GNG12: variants seen among roughly 807,000 people sequenced by gnomAD.
GNG12 encodes the protein G protein subunit gamma 12.
For synonymous variants in GNG12, 28 were observed against 29.7 expected, an observed-to-expected ratio of 0.94 and a Z score of 0.19; for missense variants, 69 against 83.8, an observed-to-expected ratio of 0.82 and a Z score of 0.69.
chr1:67,791,037 TA>T (rs1034763591), intron 1 of GNG12, among the ~76,000 whole-genome samples: 12 of 152,218 alleles, frequency 7.9e-5, no homozygotes, highest in African/African-American at 1.2e-4. Context: ...TCTAATTTTC[TA>T]AAACTGAAAT....
At chr1:67,830,821 A>G (rs1159635315) in intron 1 of GNG12, among the ~76,000 whole-genome samples, 1 of 152,172 alleles carries the variant, frequency 6.6e-6, no homozygotes, top group Non-Finnish European at 1.5e-5. Context: ...AAATTGCTCT[A>G]TCTAGCATTT....
At chr1:67,829,917 A>C (rs557446160) in intron 1 of GNG12, among the ~76,000 whole-genome samples, 21 of 152,154 alleles carry the variant, frequency 1.4e-4, no homozygotes, top group African/African-American at 3.4e-4. Context: ...ATGAGCTAAG[A>C]TCCTGGTTCA....
At chr1:67,745,997 T>C (rs1646505367) in intron 2 of GNG12, among the ~76,000 whole-genome samples, 1 of 152,174 alleles carries the variant, frequency 6.6e-6, no homozygotes, top group African/African-American at 2.4e-5. Context: ...TGAAGTTACA[T>C]GAGAAGCAAA....
intron 2 of GNG12, among the ~76,000 whole-genome samples, chr1:67,728,488 T>C (rs1473464083): frequency 6.6e-6 from 1 of 152,136 alleles, no homozygotes; most frequent in Admixed American, 6.5e-5. Context: ...CCTTGCTTGC[T>C]CTTCAGAACT....
At chr1:67,717,521 A>G (rs1646333077) in intron 2 of GNG12, among the ~76,000 whole-genome samples, 1 of 152,094 alleles carries the variant, frequency 6.6e-6, no homozygotes, top group Non-Finnish European at 1.5e-5. Flanking sequence ...GTCAAAAAAA[A>G]AAAAAAAGGA....
intron 1 of GNG12, among the ~76,000 whole-genome samples, chr1:67,827,529 C>T (rs1647018082): frequency 6.6e-6 from 1 of 152,006 alleles, no homozygotes; most frequent in Admixed American, 6.5e-5. Context: ...AGGTTCACGC[C>T]ATTTTCCTGC....
chr1:67,733,221 T>C (rs1646431098), intron 2 of GNG12, among the ~76,000 whole-genome samples: 2 of 152,188 alleles, frequency 1.3e-5, no homozygotes, highest in Non-Finnish European at 2.9e-5. Context: ...TCTAGCCCTA[T>C]TTTTGGAGCT....
intron 2 of GNG12, among the ~76,000 whole-genome samples, chr1:67,748,072 T>A (rs764594806): frequency 1.3e-5 from 2 of 152,114 alleles, no homozygotes; most frequent in Non-Finnish European, 2.9e-5. Context: ...TTACAGAACA[T>A]TCTATATCAG....
chr1:67,766,606 T>C (rs1047283232), intron 2 of GNG12, among the ~76,000 whole-genome samples: 2 of 109,212 alleles, frequency 1.8e-5, no homozygotes, highest in African/African-American at 8.9e-5. Context: ...TATGTTGGTG[T>C]TTTTTTTTTT....
At position 67,702,678 on chromosome 1, in the gene GNG12, A is replaced by T. The variant is rs1646222648; in HGVS notation, c.*2773T>A. 6.6e-6 allele frequency: 1 copy of T among 152,196 alleles called. No individual in the cohort carries two copies. Among genetic ancestry groups the T allele is most frequent in the African/African-American group, 2.4e-5 (1 of 41,468 alleles). 9.4% of individuals were successfully genotyped at this position (152,196 alleles called of 1,614,324 possible). On this transcript the variant is annotated 3_prime_UTR_variant, in exon 4 of 4. Transcript: ENST00000370982. ...GTATATAAAATATTTCCCTTATTTA[A>T]AAAATGTTTCTGTAAAATACTTCGG...
At chr1:67,817,639 T>C (rs1174775429) in intron 1 of GNG12, among the ~76,000 whole-genome samples, 1 of 152,166 alleles carries the variant, frequency 6.6e-6, no homozygotes, top group Non-Finnish European at 1.5e-5. Flanking sequence ...TATTATTCTG[T>C]CATTATTTGT....
At chr1:67,796,659 A>G (rs184676662) in intron 1 of GNG12, among the ~76,000 whole-genome samples, 1 of 152,310 alleles carries the variant, frequency 6.6e-6, no homozygotes, top group African/African-American at 2.4e-5. Flanking sequence ...TATTATAATT[A>G]TCAGTGTTTC....
At chr1:67,816,465 G>T (rs1646954273) in intron 1 of GNG12, among the ~76,000 whole-genome samples, 3 of 152,120 alleles carry the variant, frequency 2.0e-5, no homozygotes. Context: ...CCTTCATCTG[G>T]ACTCCTGTTC....
chr1:67,821,456 C>A (rs888335577), intron 1 of GNG12, among the ~76,000 whole-genome samples: 9 of 152,168 alleles, frequency 5.9e-5, no homozygotes, highest in African/African-American at 2.2e-4. Flanking sequence ...AGGATGCCTC[C>A]CAGCTAAGAG....
chr1:67,713,979 CAG>C (rs1430242423), intron 2 of GNG12, among the ~76,000 whole-genome samples: 1 of 152,186 alleles, frequency 6.6e-6, no homozygotes, highest in African/African-American at 2.4e-5. Context: ...ACTGAGTAGG[CAG>C]AGTTAGGTTC....
intron 2 of GNG12, among the ~76,000 whole-genome samples, chr1:67,771,563 A>G (rs1646674757): frequency 6.6e-6 from 1 of 152,248 alleles, no homozygotes; most frequent in Non-Finnish European, 1.5e-5. Flanking sequence ...CCTGAGCTAG[A>G]AAACCAAAAA....
At chr1:67,774,466 G>A (rs960834859) in intron 2 of GNG12, among the ~76,000 whole-genome samples, 6 of 152,208 alleles carry the variant, frequency 3.9e-5, no homozygotes, top group African/African-American at 1.4e-4. Context: ...ATGGTGAGTG[G>A]AGGAAAGTTT....
At chr1:67,827,279 T>G (rs529705529) in intron 1 of GNG12, among the ~76,000 whole-genome samples, 22 of 152,322 alleles carry the variant, frequency 1.4e-4, no homozygotes, top group African/African-American at 5.3e-4. Flanking sequence ...CTTCTGACTC[T>G]CTGGGCCCAA....
At chr1:67,711,280 C>A (rs1174376402) in intron 2 of GNG12, among the ~76,000 whole-genome samples, 2 of 152,146 alleles carry the variant, frequency 1.3e-5, no homozygotes, top group African/African-American at 4.8e-5. Context: ...AGTTCTATGG[C>A]TGGGCTACAA....
Sources: gnomAD v4.1 joint callset for allele counts (sites outside exome capture counted in the v4.1 genomes callset) on GRCh38, gnomAD v4.1.1 for gene constraint, MANE v1.5 for transcripts, NCBI Gene and HGNC (gene_info 2026-07-23, HGNC 2026-07-21) for gene names.